The following ZC3H8 variants were observed in gnomAD, a reference collection of about 807,000 sequenced individuals.
The protein encoded by ZC3H8 is zinc finger CCCH domain-containing protein 8.
ZC3H8 carries 27 observed loss-of-function variants against 42.5 expected under a neutral mutation model. The ratio of observed to expected loss-of-function variants is 0.64; its 90% confidence interval spans 0.47 to 0.88. The LOEUF (loss-of-function observed/expected upper bound fraction) is 0.88, where lower values mean the gene tolerates loss of function less well. Ranked by LOEUF, ZC3H8 falls within the 40% of genes least tolerant of loss-of-function variation. The pLI is 0.00. For synonymous variants in ZC3H8, 101 were observed against 110.1 expected (o/e 0.92, Z 0.52); for missense variants, 277 against 336.1 (o/e 0.82, Z 1.37).
At chr2:112,248,081 T>A (rs985108652) in intron 2 of ZC3H8, among the ~76,000 whole-genome samples, 1 of 152,198 alleles carries the variant, frequency 6.6e-6, no homozygotes, top group African/African-American at 2.4e-5. Context: ...ATCCTAGCAC[T>A]TCGGGAGGCC....
chr2:112,254,970 C>A lies in ZC3H8; in HGVS notation c.12G>T (p.Glu4Asp). ...GGTTGGGGGGTTTTGAGAAAAGATT[C>A]TCAAAATCCATGACCCAGACAGGTC... MDF[E>D]NLFSKPPNPA... The change falls in exon 1 of 9, where the codon GAG (glutamate) becomes GAT (aspartate). Residue 4 changes from glutamate (E) to aspartate (D), a missense_variant. Glu to Asp is a conservative substitution (Grantham distance 45). Coordinates refer to ENST00000409573, the MANE Select transcript of ZC3H8 (RefSeq NM_032494.3). 1 of 1,611,074 alleles carries A rather than the reference C, an allele frequency of 6.2e-7. No individual in the cohort carries two copies. The highest frequency in any genetic ancestry group is 8.5e-7 in the Non-Finnish European group (1 of 1,178,788).
intron 8 of ZC3H8, among the ~76,000 whole-genome samples, chr2:112,217,813 GT>G (rs1684395413): frequency 6.6e-6 from 1 of 152,094 alleles, no homozygotes; most frequent in African/African-American, 2.4e-5. Flanking sequence ...GGGTCACTCT[GT>G]TCATTTCTGA....
rs567754228 is a variant in ZC3H8, at chr2:112,253,010, T to A, written c.74+1898A>T. 1.1e-4 allele frequency among the ~76,000 whole-genome samples: 16 copies of A among 152,122 alleles called. No homozygotes were observed. In the South Asian group the frequency reaches 1.4e-3, roughly 14 times the overall value. ...TACGTCGGGCGTGGTGGCAGGCGCCTGTAGTCCCAGCTACTCGGGAGGCTG... is the reference window on the plus strand; with the variant it reads ...TACGTCGGGCGTGGTGGCAGGCGCCAGTAGTCCCAGCTACTCGGGAGGCTG... On this transcript the variant is annotated intron_variant, in intron 1 of 8. Transcript: ENST00000409573.
intron 2 of ZC3H8, among the ~76,000 whole-genome samples, chr2:112,241,994 C>T (rs1047120214): frequency 6.6e-6 from 1 of 152,140 alleles, no homozygotes; most frequent in Non-Finnish European, 1.5e-5. Flanking sequence ...GGAAAACCTC[C>T]TATCCACACA....
chr2:112,223,936 A>G (rs1413233602), intron 8 of ZC3H8, among the ~76,000 whole-genome samples: 2 of 152,184 alleles, frequency 1.3e-5, no homozygotes, highest in Non-Finnish European at 1.5e-5. Flanking sequence ...TGAGGTCAGG[A>G]GTTTGAGACC....
intron 1 of ZC3H8, among the ~76,000 whole-genome samples, chr2:112,252,751 G>T (rs889631819): frequency 6.6e-6 from 1 of 151,838 alleles, no homozygotes; most frequent in Non-Finnish European, 1.5e-5. Context: ...CCACCCCTCT[G>T]GACTATGAAA....
At position 112,233,285 on chromosome 2, in the gene ZC3H8, T is replaced by A. The variant is rs1252260779; in HGVS notation, c.708A>T (p.Arg236Ser). ...CKFYVQGYCT[R>S]GENCLYLHNE... is the part of the protein sequence containing the mutation. The stretch of plus-strand genomic sequence containing the variant: ...TATGCAAATACAGACAGTTTTCACC[T>A]CTGGTACAATATCCTTGTACATAAA... The change falls in exon 6 of 9, where the codon AGA becomes AGT. Residue 236 changes from arginine to serine, a missense_variant. Physicochemically the swap from Arg to Ser is moderately radical, Grantham distance 110. Transcript: ENST00000409573. 2 of 1,594,446 alleles carry A rather than the reference T, an allele frequency of 1.3e-6. No homozygotes were observed. Among genetic ancestry groups the A allele is most frequent in the Admixed American group, 1.8e-5 (1 of 56,860 alleles).
chr2:112,238,395 T>C lies in ZC3H8; in HGVS notation c.290A>G (p.Tyr97Cys). ...EDNFAKELQQ[Y>C]IQAREMANAA... ...ATTTGCCATTTCTCTGGCTTGTATG[T>C]ACTGTTGAAGCTCTTTGGCAAAATT... is the stretch of plus-strand genomic sequence containing the variant. The change falls in exon 3 of 9, where the codon TAC becomes TGC. Residue 97 changes from tyrosine to cysteine, a missense_variant. By Grantham distance (194) the Tyr-to-Cys change is radical. Coordinates refer to ENST00000409573, the MANE Select transcript of ZC3H8 (RefSeq NM_032494.3). The C allele has an allele frequency of 1.9e-6, 3 of 1,613,790 alleles. No homozygotes were observed. In the South Asian group the frequency reaches 3.3e-5, roughly 18 times the overall value.
intron 8 of ZC3H8, among the ~76,000 whole-genome samples, chr2:112,220,093 T>C (rs1210683562): frequency 6.6e-6 from 1 of 152,226 alleles, no homozygotes; most frequent in Non-Finnish European, 1.5e-5. Flanking sequence ...GGGTTTTGTT[T>C]CTATATCAGC....
chr2:112,247,200 T>C (rs1685793419), intron 2 of ZC3H8, among the ~76,000 whole-genome samples: 1 of 152,228 alleles, frequency 6.6e-6, no homozygotes, highest in Non-Finnish European at 1.5e-5. Flanking sequence ...TGTTTTATTG[T>C]GGTGGTATGA....
chr2:112,248,567 C>T (rs1006834042), intron 2 of ZC3H8, among the ~76,000 whole-genome samples: 1 of 151,796 alleles, frequency 6.6e-6, no homozygotes, highest in Non-Finnish European at 1.5e-5. Flanking sequence ...ATCGGCTCAC[C>T]GCAACCTCTG....
At chr2:112,251,195 T>G (rs895794301) in intron 1 of ZC3H8, among the ~76,000 whole-genome samples, 1 of 152,190 alleles carries the variant, frequency 6.6e-6, no homozygotes, top group Non-Finnish European at 1.5e-5. Context: ...GGCAAGGAAT[T>G]GGGGAATGTG....
intron 8 of ZC3H8, among the ~76,000 whole-genome samples, chr2:112,230,060 G>A (rs1239631286): frequency 3.9e-5 from 6 of 151,956 alleles, no homozygotes; most frequent in South Asian, 2.1e-4. Flanking sequence ...AGGACAATCA[G>A]ACCAATAAAA....
At chr2:112,234,501 A>G (rs922979338) in intron 4 of ZC3H8, among the ~76,000 whole-genome samples, 1 of 150,468 alleles carries the variant, frequency 6.6e-6, no homozygotes, top group East Asian at 1.9e-4. Context: ...AAAATGAATG[A>G]AAAAAATTTT....
chr2:112,230,556 G>C (rs942964524), intron 8 of ZC3H8: 5 of 153,586 alleles, frequency 3.3e-5, no homozygotes, highest in African/African-American at 1.2e-4. Context: ...ATAATGTTGG[G>C]TGAAAATAGC....
At chr2:112,218,791 T>C (rs1293928852) in intron 8 of ZC3H8, among the ~76,000 whole-genome samples, 1 of 152,202 alleles carries the variant, frequency 6.6e-6, no homozygotes, top group Non-Finnish European at 1.5e-5. Context: ...AAAAGTTATA[T>C]GCAGATTTTT....
chr2:112,245,044 C>G (rs544097404), intron 2 of ZC3H8, among the ~76,000 whole-genome samples: 1 of 152,236 alleles, frequency 6.6e-6, no homozygotes, highest in African/African-American at 2.4e-5. Context: ...AGCTAGGCCT[C>G]GTAAGCCAAA....
At chr2:112,240,990 T>C (rs1006944506) in intron 2 of ZC3H8, among the ~76,000 whole-genome samples, 3 of 127,518 alleles carry the variant, frequency 2.4e-5, no homozygotes, top group Non-Finnish European at 5.4e-5. Flanking sequence ...TGTGTGCGCG[T>C]GTGTATGTGT....
chr2:112,237,936 A>C (rs573075625), intron 3 of ZC3H8, among the ~76,000 whole-genome samples: 1 of 152,170 alleles, frequency 6.6e-6, no homozygotes, highest in South Asian at 2.1e-4. Flanking sequence ...AATCTAGAAG[A>C]ATATATTTCT....
Sources: gnomAD v4.1 joint callset for allele counts (sites outside exome capture counted in the v4.1 genomes callset) on GRCh38, gnomAD v4.1.1 for gene constraint, MANE v1.5 for transcripts, NCBI Gene and HGNC (gene_info 2026-07-23, HGNC 2026-07-21) for gene names.